Variants in ANKRD55 observed in about 807,000 individuals in gnomAD.
The protein encoded by ANKRD55 is ankyrin repeat domain 55.
Under a neutral mutation model 60.6 loss-of-function variants are expected in ANKRD55, and 41 were observed. The ratio of observed to expected loss-of-function variants is 0.68; its 90% CI spans 0.53 to 0.88. The LOEUF (loss-of-function observed/expected upper bound fraction) is 0.88. Among genes scored for constraint, ANKRD55 ranks in the 40% least tolerant of loss-of-function variants. The probability of loss-of-function intolerance (pLI) is 0.00; values close to 1 mark genes in which losing one functional copy is unlikely to be tolerated. For missense variants in ANKRD55, 732 were observed against 767.6 expected (o/e 0.95, Z 0.55); for synonymous variants, 264 against 290.3 (o/e 0.91, Z 0.92).
intron 6 of ANKRD55, among the ~76,000 whole-genome samples, chr5:56,150,770 G>T (rs918630868): frequency 2.0e-5 from 3 of 152,044 alleles, no homozygotes; most frequent in South Asian, 2.1e-4. Context: ...GTGGCGGTGG[G>T]TGCCTGTAAT....
At chr5:56,102,712 T>C (rs1202589545) in intron 10 of ANKRD55, 126 bp from the exon 11 acceptor site, 2 of 615,298 alleles carry the variant, frequency 3.3e-6, no homozygotes, top group Non-Finnish European at 5.8e-6. Context: ...ACAATAACAA[T>C]GAAAACAATG....
At chr5:56,215,814 TG>T (rs1232413754) in intron 2 of ANKRD55, among the ~76,000 whole-genome samples, 4 of 152,152 alleles carry the variant, frequency 2.6e-5, no homozygotes, top group Non-Finnish European at 4.4e-5. Context: ...GCACAGTGCC[TG>T]GTACATGGGA....
At chr5:56,138,988 C>T (rs1757682272) in intron 7 of ANKRD55, among the ~76,000 whole-genome samples, 1 of 143,636 alleles carries the variant, frequency 7.0e-6, no homozygotes, top group South Asian at 2.2e-4. Flanking sequence ...GGACTTTGGG[C>T]ATTGATGACC....
At chr5:56,147,711 T>A (rs1417989132) in intron 6 of ANKRD55, among the ~76,000 whole-genome samples, 1 of 152,212 alleles carries the variant, frequency 6.6e-6, no homozygotes, top group East Asian at 1.9e-4. Context: ...GGAAATTTCC[T>A]GCCGCTTTTT....
chr5:56,106,925 T>C (rs1756499719), intron 10 of ANKRD55, among the ~76,000 whole-genome samples: 1 of 151,282 alleles, frequency 6.6e-6, no homozygotes. Context: ...GATGGGAGGA[T>C]TGCTTAAGCC....
In ANKRD55 at chr5:56,137,126, T is replaced by C. The variant is rs190597544; in HGVS notation, c.612+6675A>G. ...GAAAAGCCACAAAGTATCTGAAAGATGTCACTTTACAGAAACAGTGTGTAC... is the reference window on the plus strand; with the variant it reads ...GAAAAGCCACAAAGTATCTGAAAGACGTCACTTTACAGAAACAGTGTGTAC... On this transcript the variant is annotated intron_variant, in intron 7 of 11. Coordinates refer to ENST00000341048, the MANE Select transcript of ANKRD55 (RefSeq NM_024669.3). 4 of 1,275,992 alleles carry C rather than the reference T, an allele frequency of 3.1e-6. No individual in the cohort carries two copies. The East Asian group carries it at 9.2e-5, about 29-fold the overall frequency. The allele number at this position is 1,275,992 out of a possible 1,614,324, so 79.0% of individuals were successfully genotyped here.
At chr5:56,221,790 G>C (rs1561298168) in intron 2 of ANKRD55, among the ~76,000 whole-genome samples, 1 of 152,242 alleles carries the variant, frequency 6.6e-6, no homozygotes, top group East Asian at 1.9e-4. Flanking sequence ...CAGCAGCGAG[G>C]CTGGGGGAAG....
In ANKRD55 at chr5:56,220,235, T is replaced by A. The variant is rs576328630; in HGVS notation, c.58+12621A>T. ...GTGGTCCTGTGGTGAAGAATACTGA[T>A]GGCTGTGAAGGGTAATTATTTGGAT... On this transcript the variant is annotated intron_variant, in intron 2 of 11. Transcript: ENST00000341048. 1.3e-5 allele frequency among the ~76,000 whole-genome samples: 2 copies of A among 152,232 alleles called. 1 individual carries two copies. Among genetic ancestry groups the A allele is most frequent in the South Asian group, 4.1e-4 (2 of 4,836 alleles).
intron 6 of ANKRD55, 60 bp downstream of exon 6, chr5:56,159,773 C>T (rs115250350): frequency 0.033 from 50,210 of 1,532,948 alleles, 960 homozygotes; most frequent in Non-Finnish European, 0.037. Flanking sequence ...GGTTCAGAAA[C>T]GCCCTTCCTT....
chr5:56,108,099 C>A (rs1281824137), intron 10 of ANKRD55: 17 of 152,124 alleles, frequency 1.1e-4, no homozygotes, highest in Non-Finnish European at 1.8e-4. Context: ...TCTTGAACTC[C>A]TGAGCTCAAG....
intron 6 of ANKRD55, among the ~76,000 whole-genome samples, chr5:56,150,346 T>G (rs1179017476): frequency 6.6e-6 from 1 of 152,010 alleles, no homozygotes; most frequent in African/African-American, 2.4e-5. Context: ...AAATCTTATT[T>G]AACGCATTAA....
chr5:56,111,103 A>T lies in ANKRD55; in HGVS notation c.1630+15T>A. ...TAGAGCCTGCTGAGAATGAACATGA[A>T]ATCAAGGACATTACCTGATGATGGA... On this transcript the variant is annotated intron_variant, in intron 10 of 11. Coordinates refer to ENST00000341048, the MANE Select transcript of ANKRD55 (RefSeq NM_024669.3). 1 of 1,604,822 alleles carries T rather than the reference A, an allele frequency of 6.2e-7. No individual in the cohort carries two copies.
chr5:56,170,583 A>T, intron 5 of ANKRD55, 111 bp downstream of exon 5: 3 of 822,108 alleles, frequency 3.6e-6, no homozygotes, highest in Non-Finnish European at 5.8e-6. Context: ...AAAAAAAAAA[A>T]GATGGTTTTC....
At chr5:56,103,419 C>T (rs925130965) in intron 10 of ANKRD55, among the ~76,000 whole-genome samples, 2 of 152,052 alleles carry the variant, frequency 1.3e-5, no homozygotes, top group African/African-American at 4.8e-5. Context: ...TACGGATGTT[C>T]GATACCTGAA....
chr5:56,102,557 T>G lies in ANKRD55; in HGVS notation c.1660A>C (p.Arg554=). ...GQNFQHLSPN[R]HKIRDLPFTR... The stretch of plus-strand genomic sequence containing the variant: ...AAAGGAAGATCCCTGATTTTGTGTC[T>G]GTTTGGGGAAAGATGCTGAAAATTT... Residue 554 remains arginine, a synonymous_variant, in exon 11 of 12, where the codon AGA becomes CGA. Transcript: ENST00000341048. The G allele has an allele frequency of 6.2e-7, 1 of 1,613,728 alleles. No homozygotes were observed. The highest frequency in any genetic ancestry group is 8.5e-7 in the Non-Finnish European group (1 of 1,179,738).
chr5:56,144,120 G>A (rs1035278811), intron 6 of ANKRD55, among the ~76,000 whole-genome samples, 191 bp from the exon 7 acceptor site: 3 of 152,204 alleles, frequency 2.0e-5, no homozygotes, highest in Non-Finnish European at 4.4e-5. Flanking sequence ...TGCCAGGCAA[G>A]CAGTTGTTCA....
intron 2 of ANKRD55, among the ~76,000 whole-genome samples, chr5:56,189,907 C>T (rs952784791): frequency 1.6e-4 from 25 of 152,306 alleles, no homozygotes; most frequent in Admixed American, 7.8e-4. Context: ...ATACTGTCTT[C>T]CAAACGGCTG....
chr5:56,157,276 G>A (rs546012436), intron 6 of ANKRD55, among the ~76,000 whole-genome samples: 114 of 151,086 alleles, frequency 7.5e-4, no homozygotes, highest in African/African-American at 2.5e-3. Flanking sequence ...AAGTACCCAG[G>A]GACACAAAAC....
Position 56,111,245 on chromosome 5 carries a change from T to C in ANKRD55, c.1503A>G (p.Val501=), listed in dbSNP as rs1229701998. Residue 501 remains valine, a synonymous_variant, in exon 10 of 12, where the codon GTA becomes GTG. Transcript: ENST00000341048. ...DNPWKSDSNQ[V]FSYKVWTVSS... is the part of the protein sequence containing the mutation. The stretch of plus-strand genomic sequence containing the variant: ...ACACAGTCCAAACTTTGTAGGAAAA[T>C]ACCTGATTAGAATCACTCTTCCAGG... 3 of 1,614,122 alleles carry C rather than the reference T, an allele frequency of 1.9e-6. No individual in the cohort carries two copies. The highest frequency in any genetic ancestry group is 1.7e-6 in the Non-Finnish European group (2 of 1,180,016).
Sources: allele counts gnomAD v4.1 joint callset (sites outside exome capture counted in the v4.1 genomes callset), GRCh38; gene constraint gnomAD v4.1.1; transcripts MANE v1.5; gene names NCBI Gene and HGNC (gene_info 2026-07-23, HGNC 2026-07-21).